CCKBR: variants seen among roughly 807,000 people sequenced by gnomAD.
The protein encoded by CCKBR is cholecystokinin B receptor, also known as gastrin/cholecystokinin type B receptor.
Under a neutral mutation model 34.6 loss-of-function variants are expected in CCKBR, and 33 were observed. The ratio of observed to expected loss-of-function variants is 0.95; its 90% CI spans 0.72 to 1.27. The LOEUF is 1.27. Ranked by LOEUF, CCKBR falls within the 50% of genes most tolerant of loss-of-function variation. The pLI, the probability that CCKBR is intolerant of heterozygous loss-of-function variation, is 0.00. For missense variants in CCKBR, 652 were observed against 617.4 expected, an observed-to-expected ratio of 1.06 and a Z score of -0.59; for synonymous variants, 269 against 267.5, an observed-to-expected ratio of 1.01 and a Z score of -0.06.
intron 1 of CCKBR, among the ~76,000 whole-genome samples, chr11:6,269,131 A>C (rs1272265952): frequency 1.5e-5 from 2 of 136,306 alleles, no homozygotes; most frequent in East Asian, 4.5e-4. Flanking sequence ...GGTTGCAGAC[A>C]GTAGAGAGTA....
chr11:6,270,236 A>C lies in CCKBR; in HGVS notation c.552A>C (p.Leu184=). ...TAGCCACGTGGCTGCTGTCCGGACTACTCATGGTGCCCTACCCCGTGTACA... is the reference window on the plus strand; with the variant it reads ...TAGCCACGTGGCTGCTGTCCGGACTCCTCATGGTGCCCTACCCCGTGTACA... ...VIVATWLLSG[L]LMVPYPVYTV... is the part of the protein sequence containing the mutation. Residue 184 remains leucine (L), a synonymous_variant, in exon 3 of 5, where the codon CTA becomes CTC. Coordinates refer to ENST00000334619, the MANE Select transcript of CCKBR (RefSeq NM_176875.4). 1 of 1,612,942 alleles carries C rather than the reference A, an allele frequency of 6.2e-7. No individual in the cohort carries two copies. Among genetic ancestry groups the C allele is most frequent in the Non-Finnish European group, 8.5e-7 (1 of 1,179,970 alleles).
Position 6,259,847 on chromosome 11 carries a change from C to A in CCKBR, c.-82C>A. On this transcript the variant is annotated 5_prime_UTR_variant, in exon 1 of 5. Coordinates refer to ENST00000334619, the MANE Select transcript of CCKBR (RefSeq NM_176875.4). ...AGAGGAGGGCGGCGGGAGCCTGAGC[C>A]GGAATCGCAGCGTGAGCAGGTGGAG... The A allele has an allele frequency of 2.5e-6, 3 of 1,205,958 alleles. No homozygotes were observed. The highest frequency in any genetic ancestry group is 3.3e-6 in the Non-Finnish European group (3 of 916,152). The allele number at this position is 1,205,958 out of a possible 1,614,324, so 74.7% of individuals were successfully genotyped here. A position where few individuals can be genotyped will look rare whatever the true frequency, so the allele number is the denominator to read the frequency against.
chr11:6,271,088 C>T lies in CCKBR; in HGVS notation c.889C>T (p.Leu297Phe). Residue 297 changes from leucine to phenylalanine, a missense_variant, in exon 5 of 5, where the codon CTT (leucine) becomes TTT (phenylalanine). Leu to Phe is a conservative substitution (Grantham distance 22, BLOSUM62 0). Coordinates refer to ENST00000334619, the MANE Select transcript of CCKBR (RefSeq NM_176875.4). ...AGACAGCGATGGCTGCTACGTGCAA[C>T]TTCCACGTTCCCGGCCTGCCCTGGA... ...GEDSDGCYVQ[L>F]PRSRPALELT... 1 of 1,614,176 alleles carries T rather than the reference C, an allele frequency of 6.2e-7. No homozygotes were observed. The highest frequency in any genetic ancestry group is 8.5e-7 in the Non-Finnish European group (1 of 1,180,036).
rs774195347 is a variant in CCKBR, at chr11:6,270,707, G to C, written c.715G>C (p.Gly239Arg). ...IPGVVMAVAY[G>R]LISRELYLGL... Reference sequence around the variant, plus strand: ...GGGTGTGGTTATGGCCGTGGCCTACGGGCTTATCTCTCGCGAGCTCTACTT... The same window carrying C: ...GGGTGTGGTTATGGCCGTGGCCTACCGGCTTATCTCTCGCGAGCTCTACTT... Residue 239 changes from glycine to arginine, a missense_variant, in exon 4 of 5, where the codon GGG (glycine) becomes CGG (arginine). Gly to Arg is a moderately radical substitution (Grantham distance 125). Coordinates refer to ENST00000334619, the MANE Select transcript of CCKBR (RefSeq NM_176875.4). 1 of 1,614,140 alleles carries C rather than the reference G, an allele frequency of 6.2e-7. No homozygotes were observed. Among genetic ancestry groups the C allele is most frequent in the Admixed American group, 1.7e-5 (1 of 60,030 alleles).
chr11:6,266,774 G>T (rs562745893), intron 1 of CCKBR, among the ~76,000 whole-genome samples: 2 of 152,248 alleles, frequency 1.3e-5, no homozygotes, highest in East Asian at 3.9e-4. Flanking sequence ...ACTAATGATG[G>T]GGATACCTTC....
rs915967567 is a variant in CCKBR, at chr11:6,259,927, C to T, written c.-2C>T. 1.4e-6 allele frequency: 2 copies of T among 1,444,990 alleles called. No homozygotes were observed. Among genetic ancestry groups the T allele is most frequent in the Non-Finnish European group, 9.1e-7 (1 of 1,102,420 alleles). 89.5% of individuals were successfully genotyped at this position (1,444,990 alleles called of 1,614,324 possible). On this transcript the variant is annotated 5_prime_UTR_variant, in exon 1 of 5. Coordinates refer to ENST00000334619, the MANE Select transcript of CCKBR (RefSeq NM_176875.4). ...AGTAAGGCGGCGGGCTCGGCGGGGG[C>T]CATGGAGCTGCTAAAGCTGAACCGG...
rs1354611265 is a variant in CCKBR at position 6,260,048 on chromosome 11, G to A, written c.120G>A (p.Glu40=). The part of the protein sequence containing the change: ...NSSSVGNLSC[E]PPRIRGAGTR... The stretch of plus-strand genomic sequence containing the variant: ...GCAGTGTGGGCAACCTCAGCTGCGA[G>A]CCCCCTCGCATTCGCGGAGCCGGGA... Residue 40 remains glutamate, a synonymous_variant, in exon 1 of 5, where the codon GAG becomes GAA. Coordinates refer to ENST00000334619, the MANE Select transcript of CCKBR (RefSeq NM_176875.4). The A allele has an allele frequency of 3.1e-6, 5 of 1,595,488 alleles. No homozygotes were observed. The Admixed American group carries it at 8.6e-5, about 27-fold the overall frequency.
intron 1 of CCKBR, among the ~76,000 whole-genome samples, chr11:6,266,737 G>C (rs1043398311): frequency 6.6e-6 from 1 of 152,148 alleles, no homozygotes; most frequent in Non-Finnish European, 1.5e-5. Flanking sequence ...ATTGGTTTTT[G>C]TTATGAGAAA....
Position 6,271,327 on chromosome 11 carries a change from C to G in CCKBR, c.1128C>G (p.His376Gln). The G allele has an allele frequency of 1.2e-6, 2 of 1,614,226 alleles. No individual in the cohort carries two copies. Among genetic ancestry groups the G allele is most frequent in the Non-Finnish European group, 1.7e-6 (2 of 1,180,022 alleles). The stretch of plus-strand genomic sequence containing the variant: ...CGGGTGCTCCTATCTCCTTCATTCA[C>G]TTGCTGAGCTACGCCTCGGCCTGTG... ...ALSGAPISFI[H>Q]LLSYASACVN... The change falls in exon 5 of 5, where the codon CAC becomes CAG. Residue 376 changes from histidine to glutamine, a missense_variant. Transcript: ENST00000334619.
chr11:6,269,426 G>A (rs934053815), intron 1 of CCKBR, among the ~76,000 whole-genome samples: 1 of 152,158 alleles, frequency 6.6e-6, no homozygotes, highest in Admixed American at 6.5e-5. Context: ...AAGAAGGAAA[G>A]ATTTGGAACG....
At chr11:6,269,994 C>A in intron 2 of CCKBR, 74 bp downstream of exon 2, 3 of 1,596,882 alleles carry the variant, frequency 1.9e-6, no homozygotes, top group South Asian at 1.1e-5. Context: ...AGGGGTCTTC[C>A]CCGGTTGGCA....
At position 6,265,255 on chromosome 11, in the gene CCKBR, A is replaced by C. The variant is rs1305430855; in HGVS notation, c.152-4414A>C. 1.3e-5 allele frequency among the ~76,000 whole-genome samples: 2 copies of C among 152,240 alleles called. 1 individual carries two copies. Among genetic ancestry groups the C allele is most frequent in the Admixed American group, 1.3e-4 (2 of 15,290 alleles). On this transcript the variant is annotated intron_variant, in intron 1 of 4. Transcript: ENST00000334619. ...GTCCAGTAAAACAGCAGAACACTGC[A>C]CAGTTGCTGGTCATTTTTACTGGGA...
intron 1 of CCKBR, among the ~76,000 whole-genome samples, chr11:6,269,067 G>C (rs1848249399): frequency 6.6e-6 from 1 of 152,012 alleles, no homozygotes; most frequent in Non-Finnish European, 1.5e-5. Flanking sequence ...TGTACAGGGA[G>C]GGGGTGGGAG....
Position 6,263,256 on chromosome 11 carries a change from G to A in CCKBR, c.151+3177G>A, listed in dbSNP as rs559746213. 2.6e-5 allele frequency among the ~76,000 whole-genome samples: 4 copies of A among 152,208 alleles called. No individual in the cohort carries two copies. The East Asian group carries it at 5.8e-4, about 22-fold the overall frequency. On this transcript the variant is annotated intron_variant, in intron 1 of 4. Transcript: ENST00000334619. ...TTTAATATTGTCCGAAGTCATTTTG[G>A]TGTTACCCATCCATCAAACACTACT...
Position 6,271,416 on chromosome 11 carries a change from C to T in CCKBR, c.1217C>T (p.Ala406Val). 4 of 1,613,914 alleles carry T rather than the reference C, an allele frequency of 2.5e-6. No homozygotes were observed. Among genetic ancestry groups the T allele is most frequent in the Non-Finnish European group, 3.4e-6 (4 of 1,180,036 alleles). The change falls in exon 5 of 5, where the codon GCT becomes GTT. Residue 406 changes from alanine to valine, a missense_variant. Physicochemically the swap from Ala to Val is moderately conservative, Grantham distance 64. Transcript: ENST00000334619. Reference sequence around the variant, plus strand: ...CGCCAGGCCTGCCTGGAAACTTGCGCTCGCTGCTGCCCCCGGCCTCCACGA... The same window carrying T: ...CGCCAGGCCTGCCTGGAAACTTGCGTTCGCTGCTGCCCCCGGCCTCCACGA... ...RFRQACLETCARCCPRPPRAR... is the reference protein window; with the variant it reads ...RFRQACLETCVRCCPRPPRAR...
At chr11:6,261,145 C>G (rs551647609) in intron 1 of CCKBR, among the ~76,000 whole-genome samples, 1 of 152,210 alleles carries the variant, frequency 6.6e-6, no homozygotes, top group Admixed American at 6.5e-5. Context: ...TGGATTCTGT[C>G]ATTCAGCCAA....
intron 1 of CCKBR, among the ~76,000 whole-genome samples, chr11:6,266,732 T>G (rs770210426): frequency 8.5e-5 from 13 of 152,206 alleles, no homozygotes; most frequent in Non-Finnish European, 1.3e-4. Context: ...AATAAATTGG[T>G]TTTTGTTATG....
In CCKBR at chr11:6,271,159, C is replaced by G. The variant is rs201673722; in HGVS notation, c.960C>G (p.Pro320=). The change falls in exon 5 of 5, where the codon CCC becomes CCG. Residue 320 remains proline, a synonymous_variant. Transcript: ENST00000334619. ...CTGGGCCGGGATCCGGCTCCCGGCC[C>G]ACCCAGGCCAAGCTGCTGGCTAAGA... The part of the protein sequence containing the change: ...TAPGPGSGSR[P]TQAKLLAKKR... The G allele has an allele frequency of 6.2e-7, 1 of 1,614,176 alleles. No individual in the cohort carries two copies. Among genetic ancestry groups the G allele is most frequent in the Non-Finnish European group, 8.5e-7 (1 of 1,180,008 alleles).
Position 6,269,834 on chromosome 11 carries a change from C to T in CCKBR, c.317C>T (p.Ala106Val), listed in dbSNP as rs201222197. The T allele has an allele frequency of 2.2e-5, 35 of 1,614,136 alleles. No individual in the cohort carries two copies. The East Asian group carries it at 7.8e-4, about 36-fold the overall frequency. ...LAVSDLLLAV[A>V]CMPFTLLPNL... ...GTCAGCGACCTCCTGCTGGCTGTGG[C>T]TTGCATGCCCTTCACCCTCCTGCCC... The change falls in exon 2 of 5, where the codon GCT (alanine) becomes GTT (valine). Residue 106 changes from alanine to valine, a missense_variant. Ala to Val is a moderately conservative substitution (Grantham distance 64). Transcript: ENST00000334619.
Sources: gnomAD v4.1 joint callset for allele counts (sites outside exome capture counted in the v4.1 genomes callset) on GRCh38, gnomAD v4.1.1 for gene constraint, MANE v1.5 for transcripts, NCBI Gene and HGNC (gene_info 2026-07-23, HGNC 2026-07-21) for gene names.